The following CACNA1C variants were observed in gnomAD, a reference collection of about 807,000 sequenced individuals.
The protein encoded by CACNA1C is calcium voltage-gated channel subunit alpha1 C, also known as voltage-dependent L-type calcium channel subunit alpha-1C.
CACNA1C carries 30 observed loss-of-function variants against 229.0 expected under a neutral mutation model. That is an observed-to-expected ratio of 0.13 (90% CI 0.10 to 0.18). The LOEUF is 0.18. CACNA1C is among the 10% of genes least tolerant of loss of function. CACNA1C has a pLI of 1.00. For missense variants in CACNA1C, 1,658 were observed against 2,845.0 expected, an observed-to-expected ratio of 0.58 and a Z score of 9.49; for synonymous variants, 1,114 against 1,132.5, an observed-to-expected ratio of 0.98 and a Z score of 0.33.
chr12:2,343,383 G>A (rs2096917158), intron 3 of CACNA1C, among the ~76,000 whole-genome samples: 1 of 152,174 alleles, frequency 6.6e-6, no homozygotes, highest in South Asian at 2.1e-4. Context: ...AAGGGTAACA[G>A]ATCGAATTGC....
intron 3 of CACNA1C, among the ~76,000 whole-genome samples, chr12:2,156,674 AGTTCCTCAACCAG>A (rs2095570200): frequency 6.6e-6 from 1 of 152,258 alleles, no homozygotes; most frequent in Non-Finnish European, 1.5e-5. Flanking sequence ...GTCAACAAAC[AGTTCCTCAACCAG>A]GTTTTTCTAC....
chr12:2,257,016 C>T (rs2078170959), intron 3 of CACNA1C, among the ~76,000 whole-genome samples: 1 of 152,152 alleles, frequency 6.6e-6, no homozygotes, highest in Non-Finnish European at 1.5e-5. Context: ...AGAATGTAAA[C>T]CCAATCAGGA....
chr12:2,513,403 C>G (rs1363404718), intron 9 of CACNA1C, among the ~76,000 whole-genome samples: 4 of 152,218 alleles, frequency 2.6e-5, no homozygotes, highest in Admixed American at 6.5e-5. Flanking sequence ...GATTCCTTCC[C>G]CCTTTGCAGA....
At chr12:2,371,302 A>G (rs2097857831) in intron 3 of CACNA1C, among the ~76,000 whole-genome samples, 1 of 152,220 alleles carries the variant, frequency 6.6e-6, no homozygotes, top group Non-Finnish European at 1.5e-5. Flanking sequence ...ATCGGGCAGA[A>G]GTTGGAATAG....
intron 3 of CACNA1C, among the ~76,000 whole-genome samples, chr12:2,251,436 C>A (rs986686706): frequency 3.3e-5 from 5 of 152,204 alleles, no homozygotes; most frequent in African/African-American, 1.2e-4. Context: ...GGAGAAGTAG[C>A]TTCTATGAAA....
Position 2,215,159 on chromosome 12 carries a change from C to A in CACNA1C, c.477+94729C>A, listed in dbSNP as rs1391475377. Reference sequence around the variant, plus strand: ...CGGCATATCTGGGGTTCCCTGGTCACTGAGACATCAGAGACATGTCAATCT... The same window carrying A: ...CGGCATATCTGGGGTTCCCTGGTCAATGAGACATCAGAGACATGTCAATCT... On this transcript the variant is annotated intron_variant, in intron 3 of 46. Coordinates refer to ENST00000399655, the MANE Select transcript of CACNA1C (RefSeq NM_000719.7). This position sits in a 1 kb window ranked among gnomAD's most constrained non-coding sequence, Gnocchi z 5.0. 6.6e-6 allele frequency among the ~76,000 whole-genome samples: 1 copy of A among 152,208 alleles called. No individual in the cohort carries two copies.
chr12:2,402,088 A>G (rs2098686965), intron 3 of CACNA1C, among the ~76,000 whole-genome samples: 1 of 152,258 alleles, frequency 6.6e-6, no homozygotes, highest in Non-Finnish European at 1.5e-5. Context: ...CAGTATCTCA[A>G]TAAGATGGCA....
At chr12:2,196,975 C>T (rs1213034084) in intron 3 of CACNA1C, among the ~76,000 whole-genome samples, 2 of 152,164 alleles carry the variant, frequency 1.3e-5, no homozygotes, top group Non-Finnish European at 2.9e-5. Flanking sequence ...TTGAGGAGGA[C>T]AGAACCTGTT....
chr12:2,346,043 C>T lies in CACNA1C; in HGVS notation c.478-102933C>T, dbSNP rs1593490355. Among the ~76,000 whole-genome samples, 1 of 152,284 alleles carries T rather than the reference C, an allele frequency of 6.6e-6. No individual in the cohort carries two copies. Among genetic ancestry groups the T allele is most frequent in the East Asian group, 1.9e-4 (1 of 5,168 alleles). ...GCCGTATGGCAGTGATGGGAGGAGG[C>T]TGAGATAGTGCTGAAGATGCACAGC... On this transcript the variant is annotated intron_variant, in intron 3 of 46. Transcript: ENST00000399655. The surrounding 1 kb of genome is among the most constrained non-coding windows in gnomAD (Gnocchi z 4.4).
At chr12:2,184,936 G>C (rs2096951289) in intron 3 of CACNA1C, among the ~76,000 whole-genome samples, 2 of 152,182 alleles carry the variant, frequency 1.3e-5, no homozygotes, top group South Asian at 4.1e-4. Context: ...ATTTAGTATT[G>C]AACTGGGGTT....
intron 1 of CACNA1C, chr12:2,004,425 C>A (rs539589278): frequency 1.6e-5 from 26 of 1,608,876 alleles, no homozygotes; most frequent in Non-Finnish European, 2.0e-5. Context: ...GCCGCCACGG[C>A]TGCCATCTTC....
At chr12:2,329,819 A>G (rs946535888) in intron 3 of CACNA1C, among the ~76,000 whole-genome samples, 1 of 152,214 alleles carries the variant, frequency 6.6e-6, no homozygotes, top group African/African-American at 2.4e-5. Flanking sequence ...TAGTCCTTGT[A>G]GTGAATAAAC....
intron 1 of CACNA1C, among the ~76,000 whole-genome samples, chr12:2,087,059 C>T (rs2154068131): frequency 6.6e-6 from 1 of 152,218 alleles, no homozygotes; most frequent in African/African-American, 2.4e-5. Flanking sequence ...TCTTCTATCT[C>T]CCAGGCTGGG....
intron 3 of CACNA1C, among the ~76,000 whole-genome samples, chr12:2,374,984 G>A (rs557614789): frequency 6.6e-6 from 1 of 152,322 alleles, no homozygotes; most frequent in Admixed American, 6.5e-5. Flanking sequence ...CAATAATAAG[G>A]TGCTTCCAGT....
At chr12:2,564,616 C>T (rs777676682) in intron 11 of CACNA1C, among the ~76,000 whole-genome samples, 5 of 152,104 alleles carry the variant, frequency 3.3e-5, no homozygotes, top group African/African-American at 9.7e-5. Context: ...GCTCTACTCC[C>T]GCTCCTCTGG....
chr12:2,023,206 G>A (rs1214732340), intron 1 of CACNA1C, among the ~76,000 whole-genome samples: 1 of 152,162 alleles, frequency 6.6e-6, no homozygotes, highest in African/African-American at 2.4e-5. Flanking sequence ...CGTTCTGTAG[G>A]TTCATATGTT....
At chr12:2,589,571 A>G (rs935858633) in intron 18 of CACNA1C, among the ~76,000 whole-genome samples, 12 of 152,192 alleles carry the variant, frequency 7.9e-5, no homozygotes, top group African/African-American at 2.9e-4. Context: ...GCAGGGCAGG[A>G]GGGCAGGGCA....
chr12:2,373,782 A>T (rs1205279689), intron 3 of CACNA1C, among the ~76,000 whole-genome samples: 1 of 152,164 alleles, frequency 6.6e-6, no homozygotes, highest in Admixed American at 6.5e-5. Flanking sequence ...AGTGGCGATT[A>T]AAAAAAGATA....
At chr12:2,332,921 TAAGG>T (rs949898318) in intron 3 of CACNA1C, among the ~76,000 whole-genome samples, 1 of 152,240 alleles carries the variant, frequency 6.6e-6, no homozygotes, top group African/African-American at 2.4e-5. Flanking sequence ...TTTTTTATCA[TAAGG>T]AAGTATCCTA....
Sources: gnomAD v4.1 joint callset for allele counts (sites outside exome capture counted in the v4.1 genomes callset) on GRCh38, gnomAD v4.1.1 for gene constraint, Gnocchi (gnomAD v3.1) non-coding constraint, MANE v1.5 for transcripts, NCBI Gene and HGNC (gene_info 2026-07-23, HGNC 2026-07-21) for gene names.